ANK2: variants seen among roughly 807,000 people sequenced by gnomAD.
The protein encoded by ANK2 is ankyrin 2.
ANK2 carries 83 observed loss-of-function variants against 360.5 expected under a neutral mutation model. The observed-to-expected ratio is 0.23, with a 90% CI of 0.19 to 0.28. The LOEUF (loss-of-function observed/expected upper bound fraction) is 0.28. ANK2 is among the 10% of genes least tolerant of loss of function. The probability of loss-of-function intolerance (pLI) is 1.00; values close to 1 mark genes in which losing one functional copy is unlikely to be tolerated. For missense variants in ANK2, 4,201 were observed against 4,795.7 expected (o/e 0.88, Z 3.66); for synonymous variants, 1,740 against 1,759.5 (o/e 0.99, Z 0.28).
chr4:113,100,460 A>G (rs1333612701), intron 1 of ANK2, among the ~76,000 whole-genome samples: 1 of 152,140 alleles, frequency 6.6e-6, no homozygotes, highest in Admixed American at 6.6e-5. Flanking sequence ...TACTAAATCC[A>G]AAACACTGGC....
intron 1 of ANK2, among the ~76,000 whole-genome samples, chr4:112,887,128 T>A (rs889255529): frequency 6.6e-6 from 1 of 152,238 alleles, no homozygotes; most frequent in South Asian, 2.1e-4. Context: ...TATATTATAG[T>A]CATCTGCGTA....
At chr4:113,296,727 C>T (rs181797837) in intron 22 of ANK2, among the ~76,000 whole-genome samples, 5 of 152,242 alleles carry the variant, frequency 3.3e-5, no homozygotes, top group Admixed American at 1.3e-4. Flanking sequence ...ACAATCACTA[C>T]ATGTTTGCCA....
the ANK2 span, among the ~76,000 whole-genome samples, chr4:112,734,022 G>A: frequency 3.3e-5 from 5 of 152,182 alleles, no homozygotes; most frequent in African/African-American, 9.7e-5. Context: ...TGATCCACCC[G>A]CCTCGGCCTC....
chr4:113,218,346 G>T (rs1461445702), intron 4 of ANK2, among the ~76,000 whole-genome samples: 5 of 151,634 alleles, frequency 3.3e-5, no homozygotes, highest in Non-Finnish European at 1.5e-5. Context: ...TTAAAATTTG[G>T]AATCCCCTTG....
chr4:112,895,615 G>T (rs957420778), intron 1 of ANK2, among the ~76,000 whole-genome samples: 1 of 152,030 alleles, frequency 6.6e-6, no homozygotes, highest in Admixed American at 6.6e-5. Flanking sequence ...TAGCCCCAGA[G>T]CTTGCAGATG....
chr4:113,155,214 T>C (rs2097240380), intron 1 of ANK2, among the ~76,000 whole-genome samples: 1 of 152,210 alleles, frequency 6.6e-6, no homozygotes, highest in African/African-American at 2.4e-5. Context: ...ATGCCTTTAT[T>C]GGATGCCTAC....
At chr4:113,335,149 A>G (rs1178348027) in intron 29 of ANK2, among the ~76,000 whole-genome samples, 1 of 152,144 alleles carries the variant, frequency 6.6e-6, no homozygotes, top group Non-Finnish European at 1.5e-5. Context: ...ATTGCCCTGA[A>G]TATCTACACT....
intron 2 of ANK2, among the ~76,000 whole-genome samples, chr4:113,190,197 G>A (rs2098634482): frequency 1.3e-5 from 2 of 151,856 alleles, no homozygotes; most frequent in Non-Finnish European, 2.9e-5. Flanking sequence ...GGTTTGCTCT[G>A]TCACCCAGGC....
intron 7 of ANK2, 87 bp downstream of exon 7, chr4:113,237,709 A>G: frequency 1.6e-6 from 2 of 1,212,138 alleles, no homozygotes; most frequent in South Asian, 1.2e-5. Context: ...AATTCATACT[A>G]ATGATTAGAA....
At chr4:113,173,129 C>G (rs1005972630) in intron 1 of ANK2, among the ~76,000 whole-genome samples, 3 of 152,190 alleles carry the variant, frequency 2.0e-5, no homozygotes, top group African/African-American at 4.8e-5. Flanking sequence ...AATAATCTAT[C>G]TCATTTATAA....
chr4:113,234,481 G>C (rs2099355317), intron 5 of ANK2, among the ~76,000 whole-genome samples: 1 of 151,884 alleles, frequency 6.6e-6, no homozygotes, highest in South Asian at 2.1e-4. Context: ...TGCACTAATG[G>C]TTATCAAAAA....
At chr4:113,277,085 G>T (rs911977500) in intron 15 of ANK2, among the ~76,000 whole-genome samples, 1 of 152,166 alleles carries the variant, frequency 6.6e-6, no homozygotes, top group Non-Finnish European at 1.5e-5. Context: ...CATTGGTTAG[G>T]CACGGAAGAC....
At chr4:112,729,361 G>A in the ANK2 span, among the ~76,000 whole-genome samples, 3 of 152,158 alleles carry the variant, frequency 2.0e-5, no homozygotes, top group Non-Finnish European at 4.4e-5. Context: ...AATGAAATCA[G>A]TATGGTGAAG....
chr4:113,258,801 T>C (rs983117415), intron 13 of ANK2, among the ~76,000 whole-genome samples: 1 of 152,186 alleles, frequency 6.6e-6, no homozygotes, highest in Non-Finnish European at 1.5e-5. Context: ...TCCAGGCAAT[T>C]TTCACAAAAA....
At chr4:112,793,281 C>T in the ANK2 span, among the ~76,000 whole-genome samples, 1 of 152,020 alleles carries the variant, frequency 6.6e-6, no homozygotes, top group Admixed American at 6.6e-5. Context: ...CAGAATTGCA[C>T]ATGTACCCCA....
intron 2 of ANK2, among the ~76,000 whole-genome samples, chr4:112,973,574 A>G (rs2040344043): frequency 6.6e-6 from 1 of 152,204 alleles, no homozygotes; most frequent in South Asian, 2.1e-4. Flanking sequence ...GAGAGCTGGT[A>G]AGTGTTTTCT....
At chr4:113,143,252 T>C (rs998881617) in intron 1 of ANK2, among the ~76,000 whole-genome samples, 1 of 36,000 alleles carries the variant, frequency 2.8e-5, no homozygotes, top group African/African-American at 1.3e-4. Flanking sequence ...ATCACAGGTG[T>C]AATGAAGACT....
At chr4:113,323,752 G>A in intron 26 of ANK2, 1 of 1,610,768 alleles carries the variant, frequency 6.2e-7, no homozygotes, top group Non-Finnish European at 8.5e-7. Context: ...TATCTATTCT[G>A]TTGCAGCCGC....
chr4:112,802,022 C>T, the ANK2 span, among the ~76,000 whole-genome samples: 10 of 151,820 alleles, frequency 6.6e-5, no homozygotes, highest in South Asian at 2.1e-3. Context: ...TGATATTTTC[C>T]AGGATCTGGT....
Sources: gnomAD v4.1 joint callset for allele counts (sites outside exome capture counted in the v4.1 genomes callset) on GRCh38, gnomAD v4.1.1 for gene constraint, MANE v1.5 for transcripts, NCBI Gene and HGNC (gene_info 2026-07-23, HGNC 2026-07-21) for gene names.